Variants in CLEC5A observed in about 807,000 individuals in gnomAD.
CLEC5A encodes C-type lectin domain containing 5A, also known as C-type lectin domain family 5 member A.
CLEC5A carries 15 observed loss-of-function variants against 24.4 expected under a neutral mutation model. The ratio of observed to expected loss-of-function variants is 0.62; its 90% CI spans 0.41 to 0.95. CLEC5A has a LOEUF of 0.95. Among genes scored for constraint, CLEC5A ranks in the 40% least tolerant of loss-of-function variants. The probability of loss-of-function intolerance (pLI) is 0.00; values close to 1 mark genes in which losing one functional copy is unlikely to be tolerated. For missense variants in CLEC5A, 211 were observed against 224.0 expected (o/e 0.94, Z 0.37); for synonymous variants, 71 against 72.6 (o/e 0.98, Z 0.11).
chr7:141,941,556 A>C (rs1419147401), intron 4 of CLEC5A, among the ~76,000 whole-genome samples: 2 of 152,154 alleles, frequency 1.3e-5, no homozygotes, highest in Non-Finnish European at 2.9e-5. Context: ...GTTTTTCAAC[A>C]TAGTGCTGGG....
chr7:141,936,035 T>C, intron 4 of CLEC5A, 85 bp from the exon 5 acceptor site: 1 of 1,175,324 alleles, frequency 8.5e-7, no homozygotes, highest in South Asian at 1.3e-5. Context: ...GTGATACATA[T>C]TTTTGCTTTG....
intron 5 of CLEC5A, among the ~76,000 whole-genome samples, chr7:141,933,575 C>CATATATATATATATATAT (rs3043785): frequency 1.5e-4 from 17 of 115,230 alleles, no homozygotes; most frequent in African/African-American, 6.2e-4. Flanking sequence ...AGGGAGCAGG[C>CATATATATATATATATAT]ATATATATAT....
In CLEC5A at chr7:141,929,563, T is replaced by C. The variant is rs1481120119; in HGVS notation, c.*541A>G. ...TCTCCATTCCCATAAACAATGCTGC[T>C]GTCCGTGCTGCTCCAAGCTCAGCAC... is the stretch of plus-strand genomic sequence containing the variant. On this transcript the variant is annotated 3_prime_UTR_variant, in exon 7 of 7. Coordinates refer to ENST00000546910, the MANE Select transcript of CLEC5A (RefSeq NM_013252.3). The C allele has an allele frequency of 6.6e-6, 1 of 152,426 alleles. No homozygotes were observed. The highest frequency in any genetic ancestry group is 2.4e-5 in the African/African-American group (1 of 41,452). The allele number at this position is 152,426 out of a possible 1,614,324, so 9.4% of individuals were successfully genotyped here. A position where few individuals can be genotyped will look rare whatever the true frequency, so the allele number is the denominator to read the frequency against.
chr7:141,946,642 C>T (rs1802966311), intron 1 of CLEC5A, among the ~76,000 whole-genome samples, 165 bp downstream of exon 1: 1 of 152,172 alleles, frequency 6.6e-6, no homozygotes, highest in South Asian at 2.1e-4. Flanking sequence ...TGAAATGACC[C>T]TTGTTCCCAA....
chr7:141,943,950 C>A lies in CLEC5A; in HGVS notation c.154G>T (p.Gly52Trp). The A allele has an allele frequency of 6.2e-7, 1 of 1,608,540 alleles. No individual in the cohort carries two copies. Among genetic ancestry groups the A allele is most frequent in the South Asian group, 1.1e-5 (1 of 90,968 alleles). Residue 52 changes from glycine (G) to tryptophan (W), a missense_variant, in exon 4 of 7, where the codon GGG becomes TGG. Coordinates refer to ENST00000546910, the MANE Select transcript of CLEC5A (RefSeq NM_013252.3). ...RSYGTVSQIF[G>W]SSSPSPNGFI... ...CCGTTGGGACTTGGGGAACTGCTCCCAAAAATCTGTGAGACTAAAGTGAAA... is the reference window on the plus strand; with the variant it reads ...CCGTTGGGACTTGGGGAACTGCTCCAAAAAATCTGTGAGACTAAAGTGAAA...
In CLEC5A at chr7:141,931,833, AT is replaced by A. The variant is rs781995322; in HGVS notation, c.346-8del. The A allele has an allele frequency of 1.1e-5, 16 of 1,442,018 alleles. No individual in the cohort carries two copies. Among genetic ancestry groups the A allele is most frequent in the African/African-American group, 1.4e-5 (1 of 69,536 alleles). 89.3% of individuals were successfully genotyped at this position (1,442,018 alleles called of 1,614,324 possible). A position where few individuals can be genotyped will look rare whatever the true frequency, so the allele number is the denominator to read the frequency against. On this transcript the variant is annotated splice_polypyrimidine_tract_variant and splice_region_variant and intron_variant, in intron 5 of 6. Transcript: ENST00000546910. ...TTATGTCCTGAAGAAACTTCTGGAA[AT>A]AAAAAAAAAATTTTACCAGTGAGTC...
intron 4 of CLEC5A, among the ~76,000 whole-genome samples, chr7:141,943,685 T>C (rs1802863841): frequency 6.6e-6 from 1 of 152,082 alleles, no homozygotes; most frequent in Non-Finnish European, 1.5e-5. Context: ...ATATATATCA[T>C]GTAACTCATG....
Position 141,929,993 on chromosome 7 carries a change from G to T in CLEC5A, c.*111C>A, listed in dbSNP as rs984468853. On this transcript the variant is annotated 3_prime_UTR_variant, in exon 7 of 7. Coordinates refer to ENST00000546910, the MANE Select transcript of CLEC5A (RefSeq NM_013252.3). Reference sequence around the variant, plus strand: ...GAAAGAAGCTCAGTTTCCCAAATGGGCAAGGACCGCTACTGGTAGACAGAT... The same window carrying T: ...GAAAGAAGCTCAGTTTCCCAAATGGTCAAGGACCGCTACTGGTAGACAGAT... 2.6e-6 allele frequency: 2 copies of T among 766,240 alleles called. No individual in the cohort carries two copies. Among genetic ancestry groups the T allele is most frequent in the Non-Finnish European group, 4.2e-6 (2 of 476,712 alleles). 47.5% of individuals were successfully genotyped at this position (766,240 alleles called of 1,614,324 possible). A position where few individuals can be genotyped will look rare whatever the true frequency, so the allele number is the denominator to read the frequency against.
intron 4 of CLEC5A, among the ~76,000 whole-genome samples, chr7:141,939,102 T>A (rs1554441395): frequency 6.6e-6 from 1 of 152,150 alleles, no homozygotes; most frequent in Non-Finnish European, 1.5e-5. Context: ...TTATAGTAGG[T>A]ACATGGAAAA....
At chr7:141,943,653 T>G (rs986821200) in intron 4 of CLEC5A, among the ~76,000 whole-genome samples, 1 of 152,168 alleles carries the variant, frequency 6.6e-6, no homozygotes, top group African/African-American at 2.4e-5. Flanking sequence ...ATATAATTAT[T>G]ACATATTGCA....
At chr7:141,931,611 CAG>C (rs782329188) in intron 6 of CLEC5A, 107 bp downstream of exon 6, 10 of 714,146 alleles carry the variant, frequency 1.4e-5, no homozygotes, top group Non-Finnish European at 2.1e-5. Flanking sequence ...AAGAGCAGAA[CAG>C]AGTCAAGTGT....
At chr7:141,939,694 A>T (rs1217971285) in intron 4 of CLEC5A, among the ~76,000 whole-genome samples, 1 of 152,060 alleles carries the variant, frequency 6.6e-6, no homozygotes, top group Non-Finnish European at 1.5e-5. Context: ...CAAGAAACAC[A>T]CTCCACCTAT....
At chr7:141,940,196 A>G (rs1437824745) in intron 4 of CLEC5A, among the ~76,000 whole-genome samples, 1 of 152,138 alleles carries the variant, frequency 6.6e-6, no homozygotes, top group Non-Finnish European at 1.5e-5. Flanking sequence ...TAACAAAACA[A>G]GCCTTAAAAC....
intron 5 of CLEC5A, 91 bp downstream of exon 5, chr7:141,935,718 TCCATC>T: frequency 9.3e-7 from 1 of 1,072,356 alleles, no homozygotes; most frequent in Non-Finnish European, 1.3e-6. Context: ...CATTCCTCAC[TCCATC>T]CCATCCCCAC....
chr7:141,930,753 G>A (rs567060254), intron 6 of CLEC5A, among the ~76,000 whole-genome samples: 147 of 152,218 alleles, frequency 9.7e-4, no homozygotes, highest in African/African-American at 3.4e-3. Context: ...GAAATGTCAT[G>A]TGTTTGGGAC....
intron 4 of CLEC5A, among the ~76,000 whole-genome samples, chr7:141,942,229 A>G: frequency 6.6e-6 from 1 of 152,140 alleles, no homozygotes; most frequent in Non-Finnish European, 1.5e-5. Context: ...TCATAACAAC[A>G]GACATATAGA....
rs191401629 is a variant in CLEC5A at position 141,934,859 on chromosome 7, G to A, written c.345+955C>T. 4.6e-5 allele frequency among the ~76,000 whole-genome samples: 7 copies of A among 152,104 alleles called. No homozygotes were observed. In the East Asian group the frequency reaches 1.4e-3, roughly 29 times the overall value. On this transcript the variant is annotated intron_variant, in intron 5 of 6. Coordinates refer to ENST00000546910, the MANE Select transcript of CLEC5A (RefSeq NM_013252.3). The stretch of plus-strand genomic sequence containing the variant: ...TAGTGATGACCTTTTTCATCACCAA[G>A]GAAAAGGTACATGGATGTGTTTTGG...
At chr7:141,934,952 G>A (rs537193223) in intron 5 of CLEC5A, among the ~76,000 whole-genome samples, 18 of 152,192 alleles carry the variant, frequency 1.2e-4, no homozygotes, top group Admixed American at 3.3e-4. Flanking sequence ...TCTTCCCGTT[G>A]CCTTCCCTCC....
At chr7:141,941,682 A>G (rs1481672678) in intron 4 of CLEC5A, among the ~76,000 whole-genome samples, 1 of 152,118 alleles carries the variant, frequency 6.6e-6, no homozygotes, top group African/African-American at 2.4e-5. Flanking sequence ...GTAAAAACCT[A>G]AAGATTCCAC....
Sources: allele counts gnomAD v4.1 joint callset (sites outside exome capture counted in the v4.1 genomes callset), GRCh38; gene constraint gnomAD v4.1.1; transcripts MANE v1.5; gene names NCBI Gene and HGNC (gene_info 2026-07-23, HGNC 2026-07-21).